RASGRF2: variants seen among roughly 807,000 people sequenced by gnomAD.
RASGRF2 encodes Ras protein specific guanine nucleotide releasing factor 2.
Under a neutral mutation model 151.0 loss-of-function variants are expected in RASGRF2, and 76 were observed. That is an observed-to-expected ratio of 0.50 (90% CI 0.42 to 0.61). The LOEUF is 0.61. RASGRF2 is among the 20% of genes least tolerant of loss of function. RASGRF2 has a pLI of 0.00. For missense variants in RASGRF2, 1,148 were observed against 1,564.6 expected, an observed-to-expected ratio of 0.73 and a Z score of 4.49; for synonymous variants, 504 against 566.5, an observed-to-expected ratio of 0.89 and a Z score of 1.57.
chr5:81,056,217 G>T (rs1751205278), intron 2 of RASGRF2, among the ~76,000 whole-genome samples: 1 of 152,138 alleles, frequency 6.6e-6, no homozygotes, highest in Non-Finnish European at 1.5e-5. Context: ...TAATTGTGAT[G>T]TTAGGGTGTC....
At chr5:81,140,660 C>G (rs1233199865) in intron 17 of RASGRF2, among the ~76,000 whole-genome samples, 1 of 152,198 alleles carries the variant, frequency 6.6e-6, no homozygotes, top group Non-Finnish European at 1.5e-5. Context: ...GACCCAAATC[C>G]TGTTCCAGCT....
At chr5:81,215,332 G>A (rs1325787540) in intron 23 of RASGRF2, among the ~76,000 whole-genome samples, 3 of 147,694 alleles carry the variant, frequency 2.0e-5, no homozygotes, top group African/African-American at 2.5e-5. Flanking sequence ...ATACAGTGGC[G>A]CAATCTCGGC....
At position 81,096,971 on chromosome 5, in the gene RASGRF2, T is replaced by G. The variant is rs1349623589; in HGVS notation, c.1755+1979T>G. ...GTTTTTTTTGTTTGTTTGTTTGTGTTTTTTTTTTGAGATGGAGTCTCGCTC... is the reference window on the plus strand; with the variant it reads ...GTTTTTTTTGTTTGTTTGTTTGTGTGTTTTTTTTGAGATGGAGTCTCGCTC... On this transcript the variant is annotated intron_variant, in intron 12 of 26. Transcript: ENST00000265080. 6.1e-4 allele frequency among the ~76,000 whole-genome samples: 4 copies of G among 6,526 alleles called. No individual in the cohort carries two copies. In the African/African-American group the frequency reaches 6.8e-3, roughly 11 times the overall value. The allele number at this position is 6,526 out of a possible 152,430, so 4.3% of individuals were successfully genotyped here. A position where few individuals can be genotyped will look rare whatever the true frequency, so the allele number is the denominator to read the frequency against.
chr5:81,185,421 A>T (rs1472407616), intron 18 of RASGRF2, among the ~76,000 whole-genome samples: 1 of 152,106 alleles, frequency 6.6e-6, no homozygotes, highest in Non-Finnish European at 1.5e-5. Context: ...GCCCAAGAGG[A>T]CGGCCTGGAG....
intron 17 of RASGRF2, among the ~76,000 whole-genome samples, chr5:81,160,108 C>T (rs527577199): frequency 1.0e-3 from 157 of 152,150 alleles, no homozygotes; most frequent in African/African-American, 3.5e-3. Context: ...GTCAACATAG[C>T]AGGACTTCGT....
intron 1 of RASGRF2, among the ~76,000 whole-genome samples, chr5:81,040,520 G>C (rs758990872): frequency 1.3e-5 from 2 of 152,208 alleles, no homozygotes; most frequent in Admixed American, 1.3e-4. Flanking sequence ...TGGTAGAGAT[G>C]GGGGAGAGTT....
chr5:81,012,203 C>T, intron 1 of RASGRF2, among the ~76,000 whole-genome samples: 1 of 152,200 alleles, frequency 6.6e-6, no homozygotes, highest in Non-Finnish European at 1.5e-5. Context: ...TACTCTCTGT[C>T]TGTATAAACT....
rs511262 is a variant in RASGRF2 at position 80,984,369 on chromosome 5, A to G, written c.288+23343A>G. Reference sequence around the variant, plus strand: ...CACCTGGCCTCGTGTTTCTTGTGGTACAAGTTTAGCAAACATGACTGATCC... The same window carrying G: ...CACCTGGCCTCGTGTTTCTTGTGGTGCAAGTTTAGCAAACATGACTGATCC... On this transcript the variant is annotated intron_variant, in intron 1 of 26. Transcript: ENST00000265080. Among the ~76,000 whole-genome samples, 1,390 of 152,328 alleles carry G rather than the reference A, an allele frequency of 9.1e-3. 8 individuals carry two copies. Among genetic ancestry groups the G allele is most frequent in the South Asian group, 0.022 (104 of 4,828 alleles).
chr5:81,076,191 G>T (rs919776891), intron 5 of RASGRF2, among the ~76,000 whole-genome samples: 2 of 152,156 alleles, frequency 1.3e-5, no homozygotes, highest in South Asian at 2.1e-4. Flanking sequence ...GAGGGAAGAG[G>T]ATTTCAAAAG....
intron 15 of RASGRF2, among the ~76,000 whole-genome samples, chr5:81,122,826 A>G (rs1489367414): frequency 2.0e-5 from 3 of 152,202 alleles, no homozygotes; most frequent in Middle Eastern, 3.2e-3. Context: ...ATCATTAGTA[A>G]TGGCCTAAGG....
chr5:81,116,910 G>A (rs1019820911), intron 15 of RASGRF2, among the ~76,000 whole-genome samples: 1 of 152,186 alleles, frequency 6.6e-6, no homozygotes, highest in Non-Finnish European at 1.5e-5. Flanking sequence ...GCAGTATGCA[G>A]ATACTACATT....
chr5:81,138,467 T>C (rs575685011), intron 17 of RASGRF2, among the ~76,000 whole-genome samples: 3 of 152,302 alleles, frequency 2.0e-5, no homozygotes, highest in African/African-American at 4.8e-5. Flanking sequence ...CTGGCTTTCA[T>C]TGTAGAGAAG....
intron 17 of RASGRF2, among the ~76,000 whole-genome samples, chr5:81,151,092 G>T (rs1226645184): frequency 6.6e-6 from 1 of 152,156 alleles, no homozygotes; most frequent in Non-Finnish European, 1.5e-5. Flanking sequence ...GAAAGGCTAG[G>T]TTAATAATAT....
chr5:81,203,689 C>A (rs1755444860), intron 19 of RASGRF2, among the ~76,000 whole-genome samples: 1 of 152,204 alleles, frequency 6.6e-6, no homozygotes. Flanking sequence ...ATGTCAAGTT[C>A]TCAACCGGTC....
chr5:81,027,008 T>A (rs73766168), intron 1 of RASGRF2, among the ~76,000 whole-genome samples: 2,301 of 152,282 alleles, frequency 0.015, 75 homozygotes, highest in African/African-American at 0.053. Context: ...GTTTCCTGCT[T>A]CTTATTTTTT....
chr5:81,189,654 T>C (rs569615455), intron 18 of RASGRF2, among the ~76,000 whole-genome samples: 2 of 150,396 alleles, frequency 1.3e-5, no homozygotes, highest in South Asian at 4.2e-4. Flanking sequence ...CCACTGTGCC[T>C]AGCCACAGAT....
At chr5:81,101,778 T>A (rs1201426052) in intron 12 of RASGRF2, among the ~76,000 whole-genome samples, 1 of 152,218 alleles carries the variant, frequency 6.6e-6, no homozygotes, top group Non-Finnish European at 1.5e-5. Context: ...TGGTTTGGAT[T>A]GAATGTATAT....
At chr5:81,197,253 G>A (rs1227575456) in intron 18 of RASGRF2, among the ~76,000 whole-genome samples, 1 of 150,920 alleles carries the variant, frequency 6.6e-6, no homozygotes, top group Non-Finnish European at 1.5e-5. Flanking sequence ...TCAGGAGATC[G>A]AGACCATCCT....
chr5:81,094,698 T>C (rs889194353), intron 11 of RASGRF2, among the ~76,000 whole-genome samples, 158 bp from the exon 12 acceptor site: 11 of 152,148 alleles, frequency 7.2e-5, no homozygotes, highest in African/African-American at 2.7e-4. Flanking sequence ...CTTATGAGCT[T>C]AATAAAGCCC....
Sources: allele counts gnomAD v4.1 joint callset (sites outside exome capture counted in the v4.1 genomes callset), GRCh38; gene constraint gnomAD v4.1.1; transcripts MANE v1.5; gene names NCBI Gene and HGNC (gene_info 2026-07-23, HGNC 2026-07-21).